Variants in TBXAS1 observed in about 807,000 individuals in gnomAD.
TBXAS1 encodes thromboxane-A synthase.
Under a neutral mutation model 60.7 loss-of-function variants are expected in TBXAS1, and 48 were observed. The ratio of observed to expected loss-of-function variants is 0.79; its 90% CI spans 0.63 to 1.01. TBXAS1 has a LOEUF of 1.01. Ranked by LOEUF, TBXAS1 falls within the 50% of genes least tolerant of loss-of-function variation. TBXAS1 has a pLI of 0.00. For missense variants in TBXAS1, 685 were observed against 686.3 expected, an observed-to-expected ratio of 1.00 and a Z score of 0.02; for synonymous variants, 287 against 269.7, an observed-to-expected ratio of 1.06 and a Z score of -0.63.
intron 3 of TBXAS1, among the ~76,000 whole-genome samples, chr7:139,877,133 C>G (rs1172908024): frequency 6.6e-6 from 1 of 152,198 alleles, no homozygotes; most frequent in African/African-American, 2.4e-5. Context: ...CACTTTGAGG[C>G]CAAAGCAAGA....
chr7:139,914,025 A>G (rs922507542), intron 4 of TBXAS1: 1 of 148,722 alleles, frequency 6.7e-6, no homozygotes, highest in African/African-American at 2.5e-5. Flanking sequence ...GCTTGAGCAC[A>G]TATCTTTTTT....
intron 1 of TBXAS1, among the ~76,000 whole-genome samples, chr7:139,838,082 C>A (rs968903652): frequency 2.0e-5 from 3 of 152,192 alleles, no homozygotes; most frequent in African/African-American, 7.2e-5. Context: ...CTCTCTCCCC[C>A]ACAAACCCTA....
At chr7:139,957,613 C>T (rs753760679) in intron 7 of TBXAS1, 21 bp from the exon 8 acceptor site, 7 of 1,614,002 alleles carry the variant, frequency 4.3e-6, no homozygotes, top group South Asian at 1.1e-5. Context: ...TTCAATGCCA[C>T]TTTTGTTTTT....
In TBXAS1 at chr7:139,912,976, CT is replaced by C. The variant is rs1165495481; in HGVS notation, c.333+1656del. On this transcript the variant is annotated intron_variant, in intron 4 of 12. Transcript: ENST00000448866. ...TCTAGAGCTCTTTTTACTGCCAAAG[CT>C]GTGACAGCTGCCTCAGTGACATTTC... is the stretch of plus-strand genomic sequence containing the variant. 1.1e-5 allele frequency: 7 copies of C among 634,706 alleles called. No homozygotes were observed. In the Admixed American group the frequency reaches 1.6e-4, roughly 15 times the overall value. 39.3% of individuals were successfully genotyped at this position (634,706 alleles called of 1,614,324 possible). A position where few individuals can be genotyped will look rare whatever the true frequency, so the allele number is the denominator to read the frequency against.
intron 4 of TBXAS1, among the ~76,000 whole-genome samples, chr7:139,805,824 G>A (rs1166041077): frequency 1.0e-4 from 14 of 139,750 alleles, no homozygotes; most frequent in South Asian, 4.6e-4. Context: ...GCAGTGGCTC[G>A]ATCTCAGCTC....
At chr7:139,931,635 A>G (rs1807336428) in intron 4 of TBXAS1, among the ~76,000 whole-genome samples, 1 of 152,160 alleles carries the variant, frequency 6.6e-6, no homozygotes, top group Non-Finnish European at 1.5e-5. Flanking sequence ...TTATAAAACC[A>G]TCAGATCTTG....
chr7:139,937,606 G>A (rs1205120898), intron 5 of TBXAS1, among the ~76,000 whole-genome samples: 1 of 152,166 alleles, frequency 6.6e-6, no homozygotes, highest in Non-Finnish European at 1.5e-5. Flanking sequence ...ACCAAGGGTT[G>A]CCTGTTTAGA....
intron 1 of TBXAS1, among the ~76,000 whole-genome samples, chr7:139,830,277 A>G (rs1798620491): frequency 6.6e-6 from 1 of 152,234 alleles, no homozygotes; most frequent in Non-Finnish European, 1.5e-5. Context: ...AGTGAGTGGA[A>G]AAAATAATGG....
At chr7:139,809,919 C>T (rs1262203298) in intron 4 of TBXAS1, among the ~76,000 whole-genome samples, 7 of 152,124 alleles carry the variant, frequency 4.6e-5, no homozygotes, top group Non-Finnish European at 1.0e-4. Context: ...ATCCCTTGAG[C>T]CAATCAAGGT....
rs536001924 is a variant in TBXAS1, at chr7:139,795,863, G to A, written c.-80+8437G>A. On this transcript the variant is annotated intron_variant, in intron 4 of 16. Transcript: ENST00000336425. ...TACCACCCTTCTGTTTTCAGGCCAA[G>A]CCCTACCTCCTTCACAAGCTCTTCT... 9.9e-5 allele frequency among the ~76,000 whole-genome samples: 15 copies of A among 152,118 alleles called. No homozygotes were observed. The South Asian group carries it at 1.7e-3, about 17-fold the overall frequency.
At chr7:139,824,829 C>CTTTTCTTTTTTTTTTTTTTTTTT (rs1401847052), upstream of TBXAS1, among the ~76,000 whole-genome samples, 1 of 38,862 alleles carries the variant, frequency 2.6e-5, no homozygotes. Context: ...TTTTCCTTTT[C>CTTTTCTTTTTTTTTTTTTTTTTT]TTTTTTTTTT....
At chr7:139,851,605 C>A (rs1465760634) in intron 1 of TBXAS1, among the ~76,000 whole-genome samples, 2 of 152,132 alleles carry the variant, frequency 1.3e-5, no homozygotes, top group Non-Finnish European at 2.9e-5. Context: ...TAGTGCCTGA[C>A]ACAGAGTAGG....
chr7:139,995,746 C>A (rs1813241937), intron 9 of TBXAS1, among the ~76,000 whole-genome samples: 1 of 152,186 alleles, frequency 6.6e-6, no homozygotes, highest in South Asian at 2.1e-4. Flanking sequence ...CCTGGCTCCA[C>A]CCCCACAACT....
At chr7:139,983,811 T>G (rs1812131964) in intron 9 of TBXAS1, among the ~76,000 whole-genome samples, 1 of 152,224 alleles carries the variant, frequency 6.6e-6, no homozygotes, top group Non-Finnish European at 1.5e-5. Flanking sequence ...CTACCACAGT[T>G]CATCCTGGTT....
At chr7:139,831,858 G>A (rs1028953652) in intron 1 of TBXAS1, among the ~76,000 whole-genome samples, 1 of 152,178 alleles carries the variant, frequency 6.6e-6, no homozygotes, top group Non-Finnish European at 1.5e-5. Flanking sequence ...CTTCAACCTG[G>A]GAGGCACAGG....
At chr7:139,798,330 G>GT (rs1283480619) in intron 4 of TBXAS1, among the ~76,000 whole-genome samples, 1 of 152,184 alleles carries the variant, frequency 6.6e-6, no homozygotes, top group Non-Finnish European at 1.5e-5. Context: ...GTCAGCAAGG[G>GT]AGGCGAACCG....
intron 3 of TBXAS1, among the ~76,000 whole-genome samples, chr7:139,889,372 A>C (rs1433641911): frequency 6.6e-6 from 1 of 152,212 alleles, no homozygotes; most frequent in East Asian, 1.9e-4. Context: ...CATTGATTGT[A>C]ACAAGTAAGA....
chr7:139,952,806 G>T, intron 5 of TBXAS1: 1 of 1,044,568 alleles, frequency 9.6e-7, no homozygotes, highest in Non-Finnish European at 1.3e-6. Flanking sequence ...GTATTCGAAA[G>T]CTTAGCGGCT....
intron 5 of TBXAS1, among the ~76,000 whole-genome samples, chr7:139,946,265 AG>A (rs1808706840): frequency 6.6e-6 from 1 of 152,218 alleles, no homozygotes. Context: ...GTTTGAGCCC[AG>A]GAGGGCAAGG....
Sources: gnomAD v4.1 joint callset for allele counts (sites outside exome capture counted in the v4.1 genomes callset) on GRCh38, gnomAD v4.1.1 for gene constraint, MANE v1.5 for transcripts, NCBI Gene and HGNC (gene_info 2026-07-23, HGNC 2026-07-21) for gene names.